Variants in MTPAP observed in about 807,000 individuals in gnomAD.
MTPAP encodes the protein mitochondrial poly(A) polymerase, also known as poly(A) RNA polymerase, mitochondrial.
Under a neutral mutation model 48.7 loss-of-function variants are expected in MTPAP, and 23 were observed. The ratio of observed to expected loss-of-function variants is 0.47; its 90% CI spans 0.34 to 0.67. The LOEUF is 0.67. Among genes scored for constraint, MTPAP ranks in the 30% least tolerant of loss-of-function variants. The pLI, the probability that MTPAP is intolerant of heterozygous loss-of-function variation, is 0.01. For synonymous variants in MTPAP, 257 were observed against 254.1 expected (o/e 1.01, Z -0.11); for missense variants, 614 against 694.3 (o/e 0.88, Z 1.30).
intron 4 of MTPAP, among the ~76,000 whole-genome samples, chr10:30,329,237 GA>G (rs1834635781): frequency 6.7e-6 from 1 of 148,400 alleles, no homozygotes; most frequent in African/African-American, 2.5e-5. Flanking sequence ...GACAGAGTGA[GA>G]ATCCAAAAAA....
chr10:30,322,317 T>G, intron 6 of MTPAP, 74 bp downstream of exon 6: 1 of 1,251,718 alleles, frequency 8.0e-7, no homozygotes, highest in Non-Finnish European at 1.2e-6. Flanking sequence ...AGACGGGACT[T>G]TGGTAACACA....
chr10:30,321,668 T>A (rs1373428413), intron 6 of MTPAP, among the ~76,000 whole-genome samples: 5 of 152,222 alleles, frequency 3.3e-5, no homozygotes, highest in African/African-American at 1.2e-4. Flanking sequence ...AGTTTGCCTC[T>A]TAAGGTCATT....
intron 4 of MTPAP, among the ~76,000 whole-genome samples, chr10:30,332,235 A>G (rs1834677132): frequency 6.6e-6 from 1 of 152,254 alleles, no homozygotes; most frequent in Non-Finnish European, 1.5e-5. Context: ...AAATAAGCAC[A>G]TGTATGTTTA....
chr10:30,347,294 T>C (rs1176537121), intron 1 of MTPAP, among the ~76,000 whole-genome samples: 1 of 152,240 alleles, frequency 6.6e-6, no homozygotes, highest in African/African-American at 2.4e-5. Context: ...ATTGACTGAT[T>C]TATGCAACAA....
At chr10:30,330,793 G>A (rs1227809063) in intron 4 of MTPAP, among the ~76,000 whole-genome samples, 1 of 152,188 alleles carries the variant, frequency 6.6e-6, no homozygotes, top group Non-Finnish European at 1.5e-5. Flanking sequence ...CTTCCAGGCA[G>A]AAACTTCAAG....
Position 30,313,782 on chromosome 10 carries a change from C to T in MTPAP, c.1576G>A (p.Gly526Arg). The T allele has an allele frequency of 6.2e-7, 1 of 1,614,094 alleles. No homozygotes were observed. The highest frequency in any genetic ancestry group is 8.5e-7 in the Non-Finnish European group (1 of 1,179,980). Residue 526 changes from glycine (G) to arginine (R), a missense_variant, in exon 9 of 9, where the codon GGG becomes AGG. Coordinates refer to ENST00000263063, the MANE Select transcript of MTPAP (RefSeq NM_018109.4). ...GATGGTAGCAATAGGGATACCAGCC[C>T]CCAGGGCCGATTACTTGATATGGAA... ...RPSISSNRPW[G>R]LVSLLLPSAP...
Position 30,337,006 on chromosome 10 carries a change from G to T in MTPAP, c.577C>A (p.Leu193Ile), listed in dbSNP as rs1325684151. 2 of 1,613,260 alleles carry T rather than the reference G, an allele frequency of 1.2e-6. No individual in the cohort carries two copies. Among genetic ancestry groups the T allele is most frequent in the Admixed American group, 3.3e-5 (2 of 60,020 alleles). ...AESIDDQLNT[L>I]LKEFQLTEEN... ...TCTGTTAGCTGGAACTCCTTCAAGA[G>T]AGTGTTCAGCTGATCGTCTATCTAG... The change falls in exon 4 of 9, where the codon CTC (leucine) becomes ATC (isoleucine). Residue 193 changes from leucine to isoleucine, a missense_variant. This residue lies in a region of MTPAP where 114 missense variants were observed against 107.9 expected (regional missense o/e 1.06). Coordinates refer to ENST00000263063, the MANE Select transcript of MTPAP (RefSeq NM_018109.4).
rs771402747 is a variant in MTPAP at position 30,340,374 on chromosome 10, G to A, written c.407C>T (p.Thr136Met). Reference sequence around the variant, plus strand: ...GAATGGAATTGCAGTCTCCATGGCCGTGCTTGGAGTATGAGTCCCATTCTG... The same window carrying A: ...GAATGGAATTGCAGTCTCCATGGCCATGCTTGGAGTATGAGTCCCATTCTG... ...SLQNGTHTPS[T>M]AMETAIPFRS... The change falls in exon 3 of 9, where the codon ACG (threonine) becomes ATG (methionine). Residue 136 changes from threonine to methionine, a missense_variant. Thr to Met is a moderately conservative substitution (Grantham distance 81). This residue lies in a region of MTPAP where 114 missense variants were observed against 107.9 expected (regional missense o/e 1.06). Coordinates refer to ENST00000263063, the MANE Select transcript of MTPAP (RefSeq NM_018109.4). 31 of 1,614,148 alleles carry A rather than the reference G, an allele frequency of 1.9e-5. 1 individual carries two copies. The highest frequency in any genetic ancestry group is 3.3e-4 in the Middle Eastern group (2 of 6,062).
intron 3 of MTPAP, 180 bp downstream of exon 3, chr10:30,340,046 A>T: frequency 1.6e-6 from 1 of 617,486 alleles, no homozygotes; most frequent in Non-Finnish European, 2.8e-6. Context: ...ATAGAAAAAA[A>T]CTTTCCTTCA....
At chr10:30,342,483 G>A (rs1456846387) in intron 1 of MTPAP, among the ~76,000 whole-genome samples, 1 of 146,458 alleles carries the variant, frequency 6.8e-6, no homozygotes, top group East Asian at 2.0e-4. Context: ...TATTAAAACT[G>A]CCCACTTTCT....
At chr10:30,322,343 C>G in intron 6 of MTPAP, 48 bp downstream of exon 6, 1 of 1,372,626 alleles carries the variant, frequency 7.3e-7, no homozygotes, top group Non-Finnish European at 1.0e-6. Context: ...ATTATATTTA[C>G]TCATAACATT....
At chr10:30,333,080 C>T (rs1024827880) in intron 4 of MTPAP, among the ~76,000 whole-genome samples, 2 of 151,420 alleles carry the variant, frequency 1.3e-5, no homozygotes, top group Admixed American at 6.6e-5. Context: ...GAGATGGCAC[C>T]GCTGCACTCC....
intron 2 of MTPAP, among the ~76,000 whole-genome samples, chr10:30,341,236 T>A (rs1834802534): frequency 2.0e-5 from 3 of 152,078 alleles, no homozygotes; most frequent in Admixed American, 1.3e-4. Flanking sequence ...AAAATAAAAT[T>A]AAGCATTCAA....
At chr10:30,334,816 G>C (rs1352224990) in intron 4 of MTPAP, among the ~76,000 whole-genome samples, 1 of 152,200 alleles carries the variant, frequency 6.6e-6, no homozygotes, top group Non-Finnish European at 1.5e-5. Context: ...CAAACTGTGA[G>C]TGAAGGTAAC....
chr10:30,341,135 C>T lies in MTPAP; in HGVS notation c.330+333G>A, dbSNP rs553044437. On this transcript the variant is annotated intron_variant, in intron 2 of 8. Coordinates refer to ENST00000263063, the MANE Select transcript of MTPAP (RefSeq NM_018109.4). ...CCAGAGGCAGAAGGATCACCCGAGC[C>T]TAGGAGTCGAGGCTGTAGTGCAATA... Among the ~76,000 whole-genome samples, 145 of 151,948 alleles carry T rather than the reference C, an allele frequency of 9.5e-4. 1 individual carries two copies. Among genetic ancestry groups the T allele is most frequent in the African/African-American group, 3.2e-3 (133 of 41,428 alleles).
At chr10:30,337,332 G>A (rs2132864166) in intron 3 of MTPAP, among the ~76,000 whole-genome samples, 1 of 152,276 alleles carries the variant, frequency 6.6e-6, no homozygotes, top group African/African-American at 2.4e-5. Flanking sequence ...GCTGAGGCAG[G>A]AGAATCGCTT....
chr10:30,326,404 A>G lies in MTPAP; in HGVS notation c.992+20T>C. 6.3e-7 allele frequency: 1 copy of G among 1,596,436 alleles called. No individual in the cohort carries two copies. ...TATCAGAATATTCATATTTAAAATA[A>G]TAAATGTAAGCGGTCATACCTATTG... is the stretch of plus-strand genomic sequence containing the variant. On this transcript the variant is annotated intron_variant, in intron 5 of 8. Coordinates refer to ENST00000263063, the MANE Select transcript of MTPAP (RefSeq NM_018109.4).
intron 2 of MTPAP, 100 bp downstream of exon 2, chr10:30,341,368 A>T: frequency 2.1e-6 from 3 of 1,457,002 alleles, no homozygotes; most frequent in Non-Finnish European, 2.7e-6. Context: ...AAGAGAACCT[A>T]CCTACCATAT....
intron 5 of MTPAP, among the ~76,000 whole-genome samples, 158 bp downstream of exon 5, chr10:30,326,266 G>A (rs912363464): frequency 6.6e-6 from 1 of 152,098 alleles, no homozygotes; most frequent in Admixed American, 6.5e-5. Flanking sequence ...TATAACGTAA[G>A]AGAAAAGATT....
Sources: gnomAD v4.1 joint callset for allele counts (sites outside exome capture counted in the v4.1 genomes callset) on GRCh38, gnomAD v4.1.1 for gene constraint, gnomAD v4.1.1 regional missense constraint, MANE v1.5 for transcripts, NCBI Gene and HGNC (gene_info 2026-07-23, HGNC 2026-07-21) for gene names.